Variants in NALF1 observed in about 807,000 individuals in gnomAD.
NALF1 encodes the protein NALCN channel auxiliary factor 1.
In NALF1, 3 loss-of-function variants were observed where a neutral mutation model predicts 48.4. The observed-to-expected ratio is 0.06, with a 90% CI of 0.03 to 0.16. The LOEUF (loss-of-function observed/expected upper bound fraction) is 0.16. Ranked by LOEUF, NALF1 falls within the 10% of genes least tolerant of loss-of-function variation. The probability of loss-of-function intolerance (pLI) is 1.00; values close to 1 mark genes in which losing one functional copy is unlikely to be tolerated. For missense variants in NALF1, 526 were observed against 571.5 expected, an observed-to-expected ratio of 0.92 and a Z score of 0.81; for synonymous variants, 262 against 245.7, an observed-to-expected ratio of 1.07 and a Z score of -0.62.
At position 107,384,253 on chromosome 13, in the gene NALF1, AAAAACAAAAC is replaced by A. The variant is rs529162085; in HGVS notation, c.916-173508_916-173499del. On this transcript the variant is annotated intron_variant, in intron 1 of 2. Coordinates refer to ENST00000375915, the MANE Select transcript of NALF1 (RefSeq NM_001080396.3). The stretch of plus-strand genomic sequence containing the variant: ...GGGCGACTGAGTGAGATCCTGTCTC[AAAAACAAAAC>A]AAAACAAAACAAAACAAAAACAAAC... Among the ~76,000 whole-genome samples, 7 of 151,946 alleles carry A rather than the reference AAAAACAAAAC, an allele frequency of 4.6e-5. No individual in the cohort carries two copies. The East Asian group carries it at 5.8e-4, about 13-fold the overall frequency.
At chr13:107,791,703 C>T (rs964875432) in intron 1 of NALF1, among the ~76,000 whole-genome samples, 1 of 152,110 alleles carries the variant, frequency 6.6e-6, no homozygotes, top group African/African-American at 2.4e-5. Flanking sequence ...CACAGACTCA[C>T]ACTTTGGGAG....
intron 1 of NALF1, among the ~76,000 whole-genome samples, chr13:107,712,520 T>G (rs185051201): frequency 6.6e-6 from 1 of 152,258 alleles, no homozygotes; most frequent in Non-Finnish European, 1.5e-5. Flanking sequence ...GAGATTAATA[T>G]AGAAGGTTCT....
chr13:107,487,410 T>TA (rs1186380242), intron 1 of NALF1, among the ~76,000 whole-genome samples: 1 of 152,120 alleles, frequency 6.6e-6, no homozygotes, highest in Non-Finnish European at 1.5e-5. Context: ...ACTTTTGTTT[T>TA]AAAAAATGGG....
intron 1 of NALF1, among the ~76,000 whole-genome samples, chr13:107,694,586 CA>C (rs1881656351): frequency 6.6e-6 from 1 of 152,130 alleles, no homozygotes; most frequent in Non-Finnish European, 1.5e-5. Context: ...AAATCACTGA[CA>C]ACTTATTGAC....
At chr13:107,826,145 T>C (rs901410257) in intron 1 of NALF1, among the ~76,000 whole-genome samples, 9 of 152,210 alleles carry the variant, frequency 5.9e-5, no homozygotes, top group African/African-American at 2.2e-4. Flanking sequence ...GGGAGCCACA[T>C]TACTGAAGCC....
intron 1 of NALF1, among the ~76,000 whole-genome samples, chr13:107,636,738 C>G (rs556745145): frequency 1.6e-4 from 25 of 151,706 alleles, no homozygotes; most frequent in Non-Finnish European, 1.0e-4. Context: ...TTTTCCAGTA[C>G]AGCAAAGTTA....
intron 1 of NALF1, among the ~76,000 whole-genome samples, chr13:107,496,461 T>C (rs989876654): frequency 6.6e-6 from 1 of 152,160 alleles, no homozygotes; most frequent in African/African-American, 2.4e-5. Flanking sequence ...TTTAGCTTGA[T>C]GTCCTCACAC....
intron 1 of NALF1, among the ~76,000 whole-genome samples, chr13:107,734,225 C>T (rs1021633581): frequency 6.6e-6 from 1 of 151,978 alleles, no homozygotes. Context: ...GGCACATGAC[C>T]GTCTACGATA....
intron 1 of NALF1, among the ~76,000 whole-genome samples, chr13:107,558,944 G>T (rs1877561670): frequency 6.6e-6 from 1 of 152,166 alleles, no homozygotes; most frequent in Non-Finnish European, 1.5e-5. Context: ...CACACCCTTG[G>T]CTCAGTGCTG....
At chr13:107,735,640 A>T (rs1190662621) in intron 1 of NALF1, among the ~76,000 whole-genome samples, 1 of 152,240 alleles carries the variant, frequency 6.6e-6, no homozygotes, top group Non-Finnish European at 1.5e-5. Flanking sequence ...AGGAGTCATG[A>T]TCAGAAAAGA....
At chr13:107,595,641 T>C (rs1878724044) in intron 1 of NALF1, among the ~76,000 whole-genome samples, 1 of 152,206 alleles carries the variant, frequency 6.6e-6, no homozygotes, top group Non-Finnish European at 1.5e-5. Context: ...ATTTTCCAGA[T>C]AATTGCTTTT....
chr13:107,856,296 A>G (rs565147346), intron 1 of NALF1, among the ~76,000 whole-genome samples: 1 of 152,332 alleles, frequency 6.6e-6, no homozygotes, highest in East Asian at 1.9e-4. Flanking sequence ...TGTGCAAAGA[A>G]GTGCTGTGAA....
At chr13:107,386,394 A>C (rs187099660) in intron 1 of NALF1, among the ~76,000 whole-genome samples, 1 of 152,302 alleles carries the variant, frequency 6.6e-6, no homozygotes, top group Non-Finnish European at 1.5e-5. Flanking sequence ...ATGCAATTTG[A>C]TGTCTCTGGA....
intron 1 of NALF1, among the ~76,000 whole-genome samples, chr13:107,620,394 A>G (rs1344632158): frequency 6.6e-6 from 1 of 152,188 alleles, no homozygotes; most frequent in Non-Finnish European, 1.5e-5. Flanking sequence ...AAAATCTTTA[A>G]TTGTGTGTGC....
At position 107,607,646 on chromosome 13, in the gene NALF1, C is replaced by T. The variant is rs182999285; in HGVS notation, c.915+258036G>A. 1.3e-3 allele frequency among the ~76,000 whole-genome samples: 201 copies of T among 152,250 alleles called. 3 individuals carry two copies. Among genetic ancestry groups the T allele is most frequent in the African/African-American group, 4.5e-3 (187 of 41,550 alleles). ...ACTCCTCCCTCCTGCTCTGTGATAT[C>T]GGGGTGTCTCCCTCTCAGAGGCAAA... On this transcript the variant is annotated intron_variant, in intron 1 of 2. Transcript: ENST00000375915.
At chr13:107,320,048 T>A (rs1322436528) in intron 1 of NALF1, among the ~76,000 whole-genome samples, 1 of 152,116 alleles carries the variant, frequency 6.6e-6, no homozygotes, top group Non-Finnish European at 1.5e-5. Context: ...TCAAGCCTCT[T>A]GGTAAAACCA....
chr13:107,408,993 AAC>A (rs1883945875), intron 1 of NALF1, among the ~76,000 whole-genome samples: 1 of 152,170 alleles, frequency 6.6e-6, no homozygotes, highest in East Asian at 1.9e-4. Context: ...AATAAATTTG[AAC>A]AGTGTTACAA....
chr13:107,402,540 C>T (rs1883826459), intron 1 of NALF1, among the ~76,000 whole-genome samples: 1 of 152,150 alleles, frequency 6.6e-6, no homozygotes. Flanking sequence ...CAATAGGTAA[C>T]CAATACAGTG....
chr13:107,513,678 C>T (rs1280590036), intron 1 of NALF1, among the ~76,000 whole-genome samples: 1 of 152,122 alleles, frequency 6.6e-6, no homozygotes, highest in African/African-American at 2.4e-5. Flanking sequence ...TTCACATTGT[C>T]CCAGCACTAG....
Sources: gnomAD v4.1 joint callset for allele counts (sites outside exome capture counted in the v4.1 genomes callset) on GRCh38, gnomAD v4.1.1 for gene constraint, MANE v1.5 for transcripts, NCBI Gene and HGNC (gene_info 2026-07-23, HGNC 2026-07-21) for gene names.